The following POU6F2 variants were observed in gnomAD, a reference collection of about 807,000 sequenced individuals.
POU6F2 encodes the protein POU domain, class 6, transcription factor 2.
In POU6F2, 31 loss-of-function variants were observed where a neutral mutation model predicts 71.3. The ratio of observed to expected loss-of-function variants is 0.43; its 90% CI spans 0.33 to 0.59. The LOEUF is 0.59. Ranked by LOEUF, POU6F2 falls within the 20% of genes least tolerant of loss-of-function variation. The pLI is 0.04. For synonymous variants in POU6F2, 347 were observed against 355.7 expected, an observed-to-expected ratio of 0.98 and a Z score of 0.27; for missense variants, 783 against 856.8, an observed-to-expected ratio of 0.91 and a Z score of 1.07.
At chr7:38,980,104 G>A (rs1160538566) in intron 1 of POU6F2, among the ~76,000 whole-genome samples, 1 of 152,164 alleles carries the variant, frequency 6.6e-6, no homozygotes, top group Non-Finnish European at 1.5e-5. Context: ...GGTTCCACAT[G>A]TCTAAGAACT....
intron 2 of POU6F2, among the ~76,000 whole-genome samples, chr7:39,198,463 T>C (rs759160835): frequency 7.8e-4 from 119 of 152,224 alleles, no homozygotes; most frequent in Non-Finnish European, 1.6e-3. Flanking sequence ...CAAAGAAAGC[T>C]GGACTTCCTT....
At chr7:39,392,112 C>G (rs1053361365) in intron 5 of POU6F2, among the ~76,000 whole-genome samples, 1 of 152,208 alleles carries the variant, frequency 6.6e-6, no homozygotes, top group African/African-American at 2.4e-5. Flanking sequence ...TTAGTTAATA[C>G]ATTTATTTAG....
At chr7:39,011,619 C>G (rs922263216) in intron 1 of POU6F2, among the ~76,000 whole-genome samples, 1 of 148,262 alleles carries the variant, frequency 6.7e-6, no homozygotes, top group Admixed American at 6.7e-5. Flanking sequence ...TTCCTAGTCT[C>G]GATGGTCTTT....
At chr7:39,354,191 A>T (rs1786206924) in intron 5 of POU6F2, among the ~76,000 whole-genome samples, 1 of 152,270 alleles carries the variant, frequency 6.6e-6, no homozygotes, top group African/African-American at 2.4e-5. Context: ...GTACTATTGT[A>T]CTATTTCAAA....
rs551471208 is a variant in POU6F2, at chr7:39,228,214, C to A, written c.598+20594C>A. Among the ~76,000 whole-genome samples, 92 of 152,132 alleles carry A rather than the reference C, an allele frequency of 6.0e-4. 2 individuals carry two copies. In the South Asian group the frequency reaches 0.019, roughly 32 times the overall value. On this transcript the variant is annotated intron_variant, in intron 4 of 9. Transcript: ENST00000518318. The stretch of plus-strand genomic sequence containing the variant: ...CCGGCTCAAAATATATACTTTGAGT[C>A]CATTGTTTTTGTGTAGGTTTGATGA...
intron 1 of POU6F2, among the ~76,000 whole-genome samples, chr7:39,009,812 T>A (rs1318167994): frequency 1.2e-4 from 18 of 150,880 alleles, no homozygotes; most frequent in African/African-American, 4.4e-4. Flanking sequence ...TCTGTTTATA[T>A]GCTGGATTAC....
chr7:39,149,879 G>A (rs1030581716), intron 2 of POU6F2, among the ~76,000 whole-genome samples: 40 of 125,714 alleles, frequency 3.2e-4, no homozygotes, highest in Admixed American at 2.1e-3. Flanking sequence ...CAAATGGCAA[G>A]ATTTCCTTTT....
At chr7:39,395,944 A>G (rs557549295) in intron 5 of POU6F2, among the ~76,000 whole-genome samples, 29 of 152,384 alleles carry the variant, frequency 1.9e-4, no homozygotes, top group Non-Finnish European at 3.8e-4. Flanking sequence ...ATATAAAAAA[A>G]CAAAACCAGA....
intron 6 of POU6F2, among the ~76,000 whole-genome samples, chr7:39,407,714 G>A (rs1309224145): frequency 6.6e-6 from 1 of 152,032 alleles, no homozygotes; most frequent in Non-Finnish European, 1.5e-5. Flanking sequence ...CAGGCATTTT[G>A]ATGTCTTGAA....
chr7:39,032,045 G>A (rs1266659337), intron 1 of POU6F2, among the ~76,000 whole-genome samples: 1 of 152,136 alleles, frequency 6.6e-6, no homozygotes, highest in Non-Finnish European at 1.5e-5. Context: ...TAGATCAATG[G>A]TCTCCTTTGG....
At chr7:39,151,193 T>C (rs1210499207) in intron 2 of POU6F2, among the ~76,000 whole-genome samples, 1 of 152,216 alleles carries the variant, frequency 6.6e-6, no homozygotes, top group East Asian at 1.9e-4. Flanking sequence ...AGAGAGTTCT[T>C]TTCCTAATGG....
At chr7:39,191,241 C>A (rs1419241440) in intron 2 of POU6F2, among the ~76,000 whole-genome samples, 1 of 152,198 alleles carries the variant, frequency 6.6e-6, no homozygotes, top group East Asian at 1.9e-4. Flanking sequence ...GTTTAACTGG[C>A]AGCTTTGTTT....
chr7:39,029,493 AGGGG>A (rs967051420), intron 1 of POU6F2, among the ~76,000 whole-genome samples: 2 of 89,586 alleles, frequency 2.2e-5, no homozygotes, highest in Admixed American at 1.3e-4. Context: ...CATTTCTGGG[AGGGG>A]GGGGTGGATG....
At chr7:39,169,835 C>T (rs1336305807) in intron 2 of POU6F2, among the ~76,000 whole-genome samples, 1 of 152,054 alleles carries the variant, frequency 6.6e-6, no homozygotes, top group East Asian at 1.9e-4. Flanking sequence ...AATGTTATGT[C>T]ACATTATGAA....
chr7:39,361,072 C>T (rs1036734187), intron 5 of POU6F2, among the ~76,000 whole-genome samples: 7 of 152,192 alleles, frequency 4.6e-5, no homozygotes, highest in Non-Finnish European at 1.0e-4. Flanking sequence ...AAAGAAAGAA[C>T]ATACCCCAAA....
At position 39,149,395 on chromosome 7, in the gene POU6F2, A is replaced by G. The variant is rs148976976; in HGVS notation, c.278-54840A>G. Among the ~76,000 whole-genome samples the G allele has an allele frequency of 2.9e-3, 435 of 152,248 alleles. 1 individual carries two copies. The highest frequency in any genetic ancestry group is 9.9e-3 in the African/African-American group (412 of 41,548). The stretch of plus-strand genomic sequence containing the variant: ...TTTTTATTTATTTGTTAATTTTTAA[A>G]ATAAATTTTATTGTGTATAATCGAA... On this transcript the variant is annotated intron_variant, in intron 2 of 9. Transcript: ENST00000518318.
chr7:39,029,629 T>C (rs1032704320), intron 1 of POU6F2, among the ~76,000 whole-genome samples: 1 of 139,974 alleles, frequency 7.1e-6, no homozygotes, highest in African/African-American at 2.5e-5. Context: ...TCCTATAAAA[T>C]GTATACAAAT....
At chr7:39,432,285 C>T (rs897561685) in intron 6 of POU6F2, among the ~76,000 whole-genome samples, 1 of 152,142 alleles carries the variant, frequency 6.6e-6, no homozygotes, top group Non-Finnish European at 1.5e-5. Context: ...CACAGAAGCC[C>T]CAAGCCCCTC....
chr7:39,057,598 A>T (rs949998401), intron 1 of POU6F2, among the ~76,000 whole-genome samples: 1 of 152,108 alleles, frequency 6.6e-6, no homozygotes, highest in Non-Finnish European at 1.5e-5. Flanking sequence ...TGTATTATTA[A>T]TATTTTCCTT....
Sources: allele counts gnomAD v4.1 joint callset (sites outside exome capture counted in the v4.1 genomes callset), GRCh38; gene constraint gnomAD v4.1.1; transcripts MANE v1.5; gene names NCBI Gene and HGNC (gene_info 2026-07-23, HGNC 2026-07-21).